The following GDPD4 variants were observed in gnomAD, a reference collection of about 807,000 sequenced individuals.
GDPD4 encodes glycerophosphodiester phosphodiesterase 6.
Under a neutral mutation model 67.8 loss-of-function variants are expected in GDPD4, and 60 were observed. That is an observed-to-expected ratio of 0.88 (90% CI 0.72 to 1.10). The LOEUF (loss-of-function observed/expected upper bound fraction) is 1.10, where lower values mean the gene tolerates loss of function less well. GDPD4 is among the 50% of genes least tolerant of loss of function. The pLI is 0.00. For synonymous variants in GDPD4, 212 were observed against 210.9 expected, an observed-to-expected ratio of 1.00 and a Z score of -0.04; for missense variants, 623 against 613.9, an observed-to-expected ratio of 1.01 and a Z score of -0.16.
chr11:77,264,351 CA>C (rs547090442), intron 10 of GDPD4, among the ~76,000 whole-genome samples: 462 of 152,158 alleles, frequency 3.0e-3, no homozygotes, highest in African/African-American at 0.011. Flanking sequence ...GTGGGATGAG[CA>C]CTATCAAATT....
Position 77,217,082 on chromosome 11 carries a change from A to ATC in GDPD4, c.*193_*194dup, listed in dbSNP as rs748827960. 9.3e-5 allele frequency: 66 copies of ATC among 706,194 alleles called. No homozygotes were observed. Among genetic ancestry groups the ATC allele is most frequent in the Non-Finnish European group, 1.5e-4 (57 of 385,466 alleles). The allele number at this position is 706,194 out of a possible 1,614,324, so 43.7% of individuals were successfully genotyped here. On this transcript the variant is annotated 3_prime_UTR_variant, in exon 17 of 17. Coordinates refer to ENST00000315938, the MANE Select transcript of GDPD4 (RefSeq NM_182833.3). The stretch of plus-strand genomic sequence containing the variant: ...GACCACGGTGGGCATCGGTGGTTGA[A>ATC]TCTCATGCTTGCCAGGCTTCAAAGG...
chr11:77,288,369 C>T lies in GDPD4; in HGVS notation c.-253-949G>A, dbSNP rs534783024. Among the ~76,000 whole-genome samples the T allele has an allele frequency of 8.5e-4, 130 of 152,242 alleles. 2 individuals are homozygous for T. The highest frequency in any genetic ancestry group is 2.9e-3 in the African/African-American group (119 of 41,558). On this transcript the variant is annotated intron_variant, in intron 1 of 16. Transcript: ENST00000315938. Reference sequence around the variant, plus strand: ...ATTGGCCCACCTCGACCTGCTAACACCAGTGCCTGTGTACACTGGCCAGGG... The same window carrying T: ...ATTGGCCCACCTCGACCTGCTAACATCAGTGCCTGTGTACACTGGCCAGGG...
chr11:77,232,662 C>A (rs868440218), intron 14 of GDPD4, among the ~76,000 whole-genome samples: 1 of 152,280 alleles, frequency 6.6e-6, no homozygotes, highest in South Asian at 2.1e-4. Context: ...GCTACAGTAA[C>A]AAAACTCTGA....
rs753973353 is a variant in GDPD4, at chr11:77,279,410, A to G, written c.54-11T>C. On this transcript the variant is annotated splice_polypyrimidine_tract_variant and intron_variant, in intron 3 of 16. Coordinates refer to ENST00000315938, the MANE Select transcript of GDPD4 (RefSeq NM_182833.3). Reference sequence around the variant, plus strand: ...CCTAGAAAAGTGACCCTGAAAAAAAATGTGTTTCAGTTCTTAAAATAATGC... The same window carrying G: ...CCTAGAAAAGTGACCCTGAAAAAAAGTGTGTTTCAGTTCTTAAAATAATGC... 6.4e-7 allele frequency: 1 copy of G among 1,551,688 alleles called. No homozygotes were observed. Among genetic ancestry groups the G allele is most frequent in the Admixed American group, 1.7e-5 (1 of 59,798 alleles).
intron 13 of GDPD4, among the ~76,000 whole-genome samples, chr11:77,235,083 A>G (rs112045861): frequency 1.5e-4 from 19 of 127,434 alleles, no homozygotes; most frequent in African/African-American, 5.5e-4. Flanking sequence ...ATGGTATCTC[A>G]TCAGGGTTTT....
intron 16 of GDPD4, among the ~76,000 whole-genome samples, chr11:77,225,300 C>CAA (rs34996619): frequency 5.8e-5 from 7 of 120,596 alleles, no homozygotes; most frequent in East Asian, 2.5e-4. Flanking sequence ...GACTCTGTCT[C>CAA]AAAAAAAAAA....
In GDPD4 at chr11:77,216,715, G is replaced by A. The variant is rs985017173; in HGVS notation, c.*562C>T. The A allele has an allele frequency of 1.7e-6, 1 of 576,264 alleles. No homozygotes were observed. Among genetic ancestry groups the A allele is most frequent in the South Asian group, 2.2e-5 (1 of 46,050 alleles). The allele number at this position is 576,264 out of a possible 1,614,324, so 35.7% of individuals were successfully genotyped here. A position where few individuals can be genotyped will look rare whatever the true frequency, so the allele number is the denominator to read the frequency against. ...CCCCTTGAGATGCATTCTTGATAGC[G>A]AGAGCACAATGGTTCCCCTGAGAGC... On this transcript the variant is annotated 3_prime_UTR_variant, in exon 17 of 17. Coordinates refer to ENST00000315938, the MANE Select transcript of GDPD4 (RefSeq NM_182833.3).
intron 11 of GDPD4, among the ~76,000 whole-genome samples, chr11:77,255,181 A>G (rs1168611534): frequency 6.6e-6 from 1 of 152,122 alleles, no homozygotes; most frequent in Non-Finnish European, 1.5e-5. Flanking sequence ...AAAAATGCCT[A>G]CCAAAAGTCA....
chr11:77,243,808 G>T lies in GDPD4; in HGVS notation c.1127C>A (p.Ser376Tyr). The change falls in exon 13 of 17, where the codon TCC becomes TAC. Residue 376 changes from serine to tyrosine, a missense_variant. Transcript: ENST00000315938. ...LPAHDRQYVR[S>Y]VAPGFQHVGR... ...CACATGCTGAAAACCAGGAGCCACG[G>T]ACCTGACGTATTGCCTATCATGAGC... 1 of 1,613,806 alleles carries T rather than the reference G, an allele frequency of 6.2e-7. No individual in the cohort carries two copies. The highest frequency in any genetic ancestry group is 8.5e-7 in the Non-Finnish European group (1 of 1,179,780).
intron 14 of GDPD4, among the ~76,000 whole-genome samples, chr11:77,232,719 A>C (rs1357974721): frequency 6.6e-6 from 1 of 152,206 alleles, no homozygotes; most frequent in Non-Finnish European, 1.5e-5. Flanking sequence ...ACATGCAAAG[A>C]TATCTTTGAG....
intron 16 of GDPD4, among the ~76,000 whole-genome samples, chr11:77,220,489 TTA>T (rs1445397396): frequency 1.3e-5 from 2 of 152,216 alleles, no homozygotes; most frequent in African/African-American, 2.4e-5. Flanking sequence ...TTGATTCTGT[TTA>T]TGTGATGGAT....
In GDPD4 at chr11:77,224,939, CTT is replaced by C. The variant is rs200235129; in HGVS notation, c.1525+2923_1525+2924del. Among the ~76,000 whole-genome samples, 25 of 143,388 alleles carry C rather than the reference CTT, an allele frequency of 1.7e-4. No individual in the cohort carries two copies. In the East Asian group the frequency reaches 3.4e-3, roughly 20 times the overall value. The allele number at this position is 143,388 out of a possible 152,430, so 94.1% of individuals were successfully genotyped here. A position where few individuals can be genotyped will look rare whatever the true frequency, so the allele number is the denominator to read the frequency against. On this transcript the variant is annotated intron_variant, in intron 16 of 16. Coordinates refer to ENST00000315938, the MANE Select transcript of GDPD4 (RefSeq NM_182833.3). ...CAACATAGTGAGATGCCATCTCTAC[CTT>C]TTTTTTTTTTTAATTAGCCAGTCAT...
intron 11 of GDPD4, among the ~76,000 whole-genome samples, 180 bp from the exon 12 acceptor site, chr11:77,245,682 T>C (rs1176324629): frequency 6.6e-6 from 1 of 152,176 alleles, no homozygotes. Context: ...CATCAATAAT[T>C]ACAGTGTTTG....
At position 77,285,203 on chromosome 11, in the gene GDPD4, A is replaced by C; in HGVS notation, c.-50-16T>G. On this transcript the variant is annotated splice_polypyrimidine_tract_variant and intron_variant, in intron 2 of 16. Transcript: ENST00000315938. ...ATTGCTCTTTCTGGGAAAAGAAAAAAGAAATCTAACTTAGCTCCATTTATC... is the reference window on the plus strand; with the variant it reads ...ATTGCTCTTTCTGGGAAAAGAAAAACGAAATCTAACTTAGCTCCATTTATC... 6.1e-6 allele frequency: 8 copies of C among 1,304,474 alleles called. No homozygotes were observed. The highest frequency in any genetic ancestry group is 8.8e-6 in the Non-Finnish European group (8 of 906,270). The allele number at this position is 1,304,474 out of a possible 1,614,324, so 80.8% of individuals were successfully genotyped here.
intron 11 of GDPD4, among the ~76,000 whole-genome samples, chr11:77,248,713 T>C (rs557894464): frequency 6.6e-6 from 1 of 151,832 alleles, no homozygotes; most frequent in Admixed American, 6.6e-5. Context: ...CCCTGTACAT[T>C]TATTTATTTA....
At chr11:77,275,906 G>C (rs145871064) in intron 5 of GDPD4, among the ~76,000 whole-genome samples, 23 of 152,348 alleles carry the variant, frequency 1.5e-4, no homozygotes, top group African/African-American at 5.3e-4. Context: ...GCTACAGATT[G>C]AGTTTAATAG....
chr11:77,245,443 A>G lies in GDPD4; in HGVS notation c.924T>C (p.Asn308=). The change falls in exon 12 of 17, where the codon AAT becomes AAC. Residue 308 remains asparagine, a synonymous_variant. Coordinates refer to ENST00000315938, the MANE Select transcript of GDPD4 (RefSeq NM_182833.3). ...LSEADKERAR[N]QSIPTLADLL... is the part of the protein sequence containing the mutation. ...AATCAGCTAGTGTTGGAATTGACTG[A>G]TTTCTTGCTCTTTCTTTATCTGCCT... is the stretch of plus-strand genomic sequence containing the variant. The G allele has an allele frequency of 6.2e-7, 1 of 1,614,146 alleles. No homozygotes were observed. The highest frequency in any genetic ancestry group is 8.5e-7 in the Non-Finnish European group (1 of 1,179,992).
chr11:77,281,538 CCAGA>C (rs937517626), intron 3 of GDPD4, among the ~76,000 whole-genome samples: 2 of 152,110 alleles, frequency 1.3e-5, no homozygotes, highest in Non-Finnish European at 2.9e-5. Flanking sequence ...CAGATATCTA[CCAGA>C]CAGTGAAGAA....
chr11:77,232,510 G>A (rs1232180914), intron 14 of GDPD4, among the ~76,000 whole-genome samples: 1 of 152,218 alleles, frequency 6.6e-6, no homozygotes, highest in African/African-American at 2.4e-5. Flanking sequence ...AGAAGGCCTA[G>A]AACATGCAAC....
Sources: gnomAD v4.1 joint callset for allele counts (sites outside exome capture counted in the v4.1 genomes callset) on GRCh38, gnomAD v4.1.1 for gene constraint, MANE v1.5 for transcripts, NCBI Gene and HGNC (gene_info 2026-07-23, HGNC 2026-07-21) for gene names.